Variants in MARCHF1 observed in about 807,000 individuals in gnomAD.
MARCHF1 encodes the protein membrane associated ring-CH-type finger 1.
A neutral mutation model predicts 54.2 loss-of-function variants in MARCHF1; 40 were observed. The ratio of observed to expected loss-of-function variants is 0.74; its 90% CI spans 0.57 to 0.96. MARCHF1 has a LOEUF of 0.96. Among genes scored for constraint, MARCHF1 ranks in the 40% least tolerant of loss-of-function variants. MARCHF1 has a pLI of 0.00. For synonymous variants in MARCHF1, 236 were observed against 236.3 expected, an observed-to-expected ratio of 1.00 and a Z score of 0.01; for missense variants, 586 against 656.5, an observed-to-expected ratio of 0.89 and a Z score of 1.17.
At chr4:163,543,246 G>A (rs1299400869) in intron 9 of MARCHF1, among the ~76,000 whole-genome samples, 2 of 152,108 alleles carry the variant, frequency 1.3e-5, no homozygotes, top group Non-Finnish European at 2.9e-5. Context: ...AGCTTCTGCA[G>A]TTTTCAAGTT....
At chr4:163,857,733 G>A (rs2111180616) in intron 3 of MARCHF1, among the ~76,000 whole-genome samples, 1 of 152,284 alleles carries the variant, frequency 6.6e-6, no homozygotes, top group East Asian at 1.9e-4. Context: ...GAAATTGGGT[G>A]TATTTTGTGG....
At chr4:163,631,027 A>G (rs1165891204) in intron 5 of MARCHF1, among the ~76,000 whole-genome samples, 1 of 152,200 alleles carries the variant, frequency 6.6e-6, no homozygotes, top group Non-Finnish European at 1.5e-5. Context: ...AACAGTATGC[A>G]CTACAGGAGT....
chr4:163,739,983 T>C (rs781294340), intron 4 of MARCHF1, among the ~76,000 whole-genome samples: 83 of 152,182 alleles, frequency 5.5e-4, no homozygotes, highest in Non-Finnish European at 1.1e-3. Context: ...GTGGTCTATT[T>C]TTTTTCTTGT....
At chr4:163,563,538 C>A (rs1426621236) in intron 8 of MARCHF1, among the ~76,000 whole-genome samples, 2 of 152,174 alleles carry the variant, frequency 1.3e-5, no homozygotes, top group African/African-American at 4.8e-5. Flanking sequence ...CCCTCCCTAC[C>A]CTGAACTACA....
chr4:163,930,523 C>T (rs974687399), intron 3 of MARCHF1, among the ~76,000 whole-genome samples: 22 of 147,848 alleles, frequency 1.5e-4, no homozygotes, highest in Admixed American at 2.7e-4. Flanking sequence ...TTATGCCTCA[C>T]TTTGGCTGGG....
chr4:163,936,899 T>C (rs1056227857), intron 3 of MARCHF1, among the ~76,000 whole-genome samples: 6 of 152,314 alleles, frequency 3.9e-5, no homozygotes, highest in Non-Finnish European at 7.3e-5. Flanking sequence ...AGAGTGGCTT[T>C]GGGACACAGT....
chr4:163,549,762 CTGTA>C (rs1415301844), intron 8 of MARCHF1, among the ~76,000 whole-genome samples: 2 of 151,006 alleles, frequency 1.3e-5, no homozygotes, highest in Non-Finnish European at 2.9e-5. Context: ...AAAAATATGA[CTGTA>C]TGTTTTTTCT....
At chr4:164,040,348 CTTAG>C (rs1754100927) in intron 2 of MARCHF1, among the ~76,000 whole-genome samples, 1 of 110,660 alleles carries the variant, frequency 9.0e-6, no homozygotes, top group Non-Finnish European at 1.8e-5. Context: ...TACTTATATA[CTTAG>C]TTCTTATTAA....
chr4:164,169,976 G>A (rs113748616), intron 1 of MARCHF1, among the ~76,000 whole-genome samples: 1,606 of 152,080 alleles, frequency 0.011, 18 homozygotes, highest in East Asian at 0.049. Flanking sequence ...GCCATTTTCT[G>A]GCCAGTTTTT....
chr4:163,681,156 G>A (rs1744090332), intron 5 of MARCHF1, among the ~76,000 whole-genome samples: 1 of 152,050 alleles, frequency 6.6e-6, no homozygotes, highest in Non-Finnish European at 1.5e-5. Context: ...TTAAAGGGCT[G>A]TGCTATCACA....
At chr4:163,637,179 G>C (rs1255184043) in intron 5 of MARCHF1, among the ~76,000 whole-genome samples, 4 of 152,054 alleles carry the variant, frequency 2.6e-5, no homozygotes, top group African/African-American at 9.7e-5. Flanking sequence ...TCAGGACATA[G>C]GCATGGGCAA....
intron 4 of MARCHF1, among the ~76,000 whole-genome samples, chr4:163,718,212 C>G (rs1464817495): frequency 3.4e-4 from 52 of 152,122 alleles, no homozygotes; most frequent in Non-Finnish European, 2.9e-5. Context: ...AGAAGGAAAC[C>G]TAGGCAATAC....
chr4:163,739,348 A>G (rs1186675324), intron 4 of MARCHF1, among the ~76,000 whole-genome samples: 1 of 152,226 alleles, frequency 6.6e-6, no homozygotes, highest in Admixed American at 6.5e-5. Flanking sequence ...AACTAGTTCA[A>G]TGTCATTATT....
At chr4:164,162,599 T>C (rs1730267109) in intron 1 of MARCHF1, among the ~76,000 whole-genome samples, 2 of 152,130 alleles carry the variant, frequency 1.3e-5, no homozygotes, top group Admixed American at 1.3e-4. Flanking sequence ...AGTCCCTACA[T>C]GTCATCCTTT....
At position 163,976,113 on chromosome 4, in the gene MARCHF1, C is replaced by A. The variant is rs542336906; in HGVS notation, c.-39+12388G>T. Among the ~76,000 whole-genome samples the A allele has an allele frequency of 5.9e-5, 9 of 152,294 alleles. No individual in the cohort carries two copies. The South Asian group carries it at 1.9e-3, about 32-fold the overall frequency. ...TAGATCCTAGTTGAAGAACTAGCAA[C>A]AAGTGCCCAGGTGGATTTCAGAATT... On this transcript the variant is annotated intron_variant, in intron 3 of 9. Transcript: ENST00000514618.
At chr4:163,882,495 T>C (rs6536756) in intron 3 of MARCHF1, among the ~76,000 whole-genome samples, 59,487 of 152,056 alleles carry the variant, frequency 0.39, 12,743 homozygotes, top group Middle Eastern at 0.56. Flanking sequence ...TCTAAATAAT[T>C]TACCCGATAT....
chr4:164,237,673 T>C (rs978814828), intron 1 of MARCHF1, among the ~76,000 whole-genome samples: 1 of 152,062 alleles, frequency 6.6e-6, no homozygotes, highest in Admixed American at 6.6e-5. Flanking sequence ...ATATTCATGC[T>C]GCTCAGAAAG....
intron 3 of MARCHF1, among the ~76,000 whole-genome samples, chr4:163,932,246 T>A (rs1478298333): frequency 6.6e-6 from 1 of 152,220 alleles, no homozygotes; most frequent in East Asian, 1.9e-4. Flanking sequence ...ATTGGGTGTA[T>A]GTGCCAATTA....
At chr4:164,100,597 C>A (rs985606379) in intron 2 of MARCHF1, among the ~76,000 whole-genome samples, 1 of 152,216 alleles carries the variant, frequency 6.6e-6, no homozygotes, top group African/African-American at 2.4e-5. Context: ...TTGGTATCTA[C>A]AGCATAGAGG....
Sources: allele counts gnomAD v4.1 joint callset (sites outside exome capture counted in the v4.1 genomes callset), GRCh38; gene constraint gnomAD v4.1.1; transcripts MANE v1.5; gene names NCBI Gene and HGNC (gene_info 2026-07-23, HGNC 2026-07-21).